FSTL4: variants seen among roughly 807,000 people sequenced by gnomAD.
FSTL4 encodes follistatin-related protein 4.
FSTL4 carries 28 observed loss-of-function variants against 78.2 expected under a neutral mutation model. The observed-to-expected ratio is 0.36, with a 90% CI of 0.27 to 0.49. The LOEUF (loss-of-function observed/expected upper bound fraction) is 0.49. Ranked by LOEUF, FSTL4 falls within the 20% of genes least tolerant of loss-of-function variation. The probability of loss-of-function intolerance (pLI) is 0.98; values close to 1 mark genes in which losing one functional copy is unlikely to be tolerated. For synonymous variants in FSTL4, 422 were observed against 440.5 expected, an observed-to-expected ratio of 0.96 and a Z score of 0.53; for missense variants, 922 against 1,084.9, an observed-to-expected ratio of 0.85 and a Z score of 2.11.
At chr5:133,352,943 T>A (rs528422129) in intron 4 of FSTL4, among the ~76,000 whole-genome samples, 2 of 152,372 alleles carry the variant, frequency 1.3e-5, no homozygotes, top group South Asian at 4.1e-4. Context: ...AAATTATATT[T>A]TAATCAAAGA....
chr5:133,201,942 T>TTGA lies in FSTL4; in HGVS notation c.1814_1816dup (p.Ile605dup). ...CATGGGCCAGTCTCACCTGATGTGG[T>TTGA]TGATGATGAGGTTTGTTGGGGGAAT... On this transcript the variant is annotated inframe_insertion, in exon 15 of 16. Coordinates refer to ENST00000265342, the MANE Select transcript of FSTL4 (RefSeq NM_015082.2). The TTGA allele has an allele frequency of 6.3e-7, 1 of 1,595,120 alleles. No homozygotes were observed. The highest frequency in any genetic ancestry group is 8.6e-7 in the Non-Finnish European group (1 of 1,165,862).
chr5:133,342,952 G>C (rs1754616061), intron 4 of FSTL4, among the ~76,000 whole-genome samples: 1 of 152,060 alleles, frequency 6.6e-6, no homozygotes, highest in South Asian at 2.1e-4. Flanking sequence ...TACCATAAGG[G>C]GAGCTGCTTC....
chr5:133,823,589 T>C, the FSTL4 span, among the ~76,000 whole-genome samples: 1 of 152,172 alleles, frequency 6.6e-6, no homozygotes, highest in Non-Finnish European at 1.5e-5. Flanking sequence ...GGCAGTATGG[T>C]GTCCCGGACA....
intron 3 of FSTL4, among the ~76,000 whole-genome samples, chr5:133,526,221 T>C (rs1236868237): frequency 6.6e-6 from 1 of 152,184 alleles, no homozygotes; most frequent in Non-Finnish European, 1.5e-5. Context: ...ACTGTGGCTA[T>C]TTTTATTCTC....
At chr5:133,828,571 CTAAT>C in the FSTL4 span, among the ~76,000 whole-genome samples, 1 of 152,128 alleles carries the variant, frequency 6.6e-6, no homozygotes, top group Non-Finnish European at 1.5e-5. Context: ...CAGACTGTGC[CTAAT>C]TAAATTCTAG....
In FSTL4 at chr5:133,453,737, G is replaced by A. The variant is rs142307715; in HGVS notation, c.161-52751C>T. On this transcript the variant is annotated intron_variant, in intron 3 of 15. Transcript: ENST00000265342. ...CATGAAGGGCCACCATGTCCAGCAC[G>A]GAGTTGGTGTCCAATAAGGACTCTT... Among the ~76,000 whole-genome samples, 412 of 152,334 alleles carry A rather than the reference G, an allele frequency of 2.7e-3. 4 individuals carry two copies. The highest frequency in any genetic ancestry group is 9.5e-3 in the African/African-American group (397 of 41,578).
At chr5:133,636,274 A>G in the FSTL4 span, among the ~76,000 whole-genome samples, 1 of 152,196 alleles carries the variant, frequency 6.6e-6, no homozygotes, top group Non-Finnish European at 1.5e-5. Context: ...CTCATCTGCC[A>G]CAGTGAAACT....
chr5:133,439,136 C>T (rs1238244995), intron 3 of FSTL4, among the ~76,000 whole-genome samples: 3 of 152,146 alleles, frequency 2.0e-5, no homozygotes, highest in Non-Finnish European at 2.9e-5. Flanking sequence ...GGGATTTTCT[C>T]CCAGCCCTTG....
At chr5:133,222,484 G>A (rs1751172133) in intron 11 of FSTL4, among the ~76,000 whole-genome samples, 1 of 152,168 alleles carries the variant, frequency 6.6e-6, no homozygotes, top group Non-Finnish European at 1.5e-5. Context: ...AGGGGCCAGA[G>A]GGGTCAAAGT....
At chr5:133,531,449 T>G (rs1290694335) in intron 3 of FSTL4, among the ~76,000 whole-genome samples, 3 of 152,056 alleles carry the variant, frequency 2.0e-5, no homozygotes, top group African/African-American at 7.2e-5. Flanking sequence ...CCGTGGAATA[T>G]CCCCTGGAAA....
Position 133,202,128 on chromosome 5 carries a change from C to T in FSTL4, c.1717-86G>A, listed in dbSNP as rs1439867965. 23 of 793,538 alleles carry T rather than the reference C, an allele frequency of 2.9e-5. No individual in the cohort carries two copies. The Admixed American group carries it at 4.8e-4, about 17-fold the overall frequency. The allele number at this position is 793,538 out of a possible 1,614,324, so 49.2% of individuals were successfully genotyped here. A position where few individuals can be genotyped will look rare whatever the true frequency, so the allele number is the denominator to read the frequency against. On this transcript the variant is annotated intron_variant, in intron 14 of 15. Coordinates refer to ENST00000265342, the MANE Select transcript of FSTL4 (RefSeq NM_015082.2). ...CACCTGTACGCTCAGGTGGAGTCAC[C>T]CCGGCAGAGGGGTGCTTGGGAGAGA...
At chr5:133,576,019 TAGA>T (rs755340578) in intron 2 of FSTL4, among the ~76,000 whole-genome samples, 38 of 152,210 alleles carry the variant, frequency 2.5e-4, no homozygotes, top group Non-Finnish European at 4.9e-4. Flanking sequence ...CACTATAATG[TAGA>T]AGAACTTAAA....
intron 11 of FSTL4, among the ~76,000 whole-genome samples, chr5:133,222,219 A>G (rs1486274877): frequency 6.6e-6 from 1 of 152,106 alleles, no homozygotes; most frequent in Non-Finnish European, 1.5e-5. Context: ...AGCCTCTCAG[A>G]AGCTGTGAAC....
rs532766923 is a variant in FSTL4 at position 133,356,762 on chromosome 5, C to T, written c.410-40110G>A. ...AGCATGGCTGCCTCCTGGCCTGCCT[C>T]GCAGGGATCCCTCAGGCCCACGCAG... On this transcript the variant is annotated intron_variant, in intron 4 of 15. Transcript: ENST00000265342. Among the ~76,000 whole-genome samples, 278 of 152,356 alleles carry T rather than the reference C, an allele frequency of 1.8e-3. 1 individual carries two copies. The highest frequency in any genetic ancestry group is 6.2e-3 in the African/African-American group (259 of 41,582).
chr5:133,608,892 A>G (rs1761029715), intron 1 of FSTL4, among the ~76,000 whole-genome samples: 1 of 152,210 alleles, frequency 6.6e-6, no homozygotes, highest in Non-Finnish European at 1.5e-5. Flanking sequence ...GCACACAGGC[A>G]TGTAAGCTGT....
At chr5:133,241,897 A>C (rs1441836159) in intron 7 of FSTL4, among the ~76,000 whole-genome samples, 1 of 152,150 alleles carries the variant, frequency 6.6e-6, no homozygotes, top group African/African-American at 2.4e-5. Flanking sequence ...TCGTTGAGAC[A>C]CTCCAGAGAG....
chr5:133,517,447 A>AAAAAAAAAAAATATATATATATATATAT (rs1554068019), intron 3 of FSTL4, among the ~76,000 whole-genome samples: 3 of 16,392 alleles, frequency 1.8e-4, no homozygotes, highest in Non-Finnish European at 3.0e-4. Flanking sequence ...AAAAAAAAAA[A>AAAAAAAAAAAATATATATATATATATAT]ATATATATAT....
At chr5:133,256,573 C>T (rs932802819) in intron 6 of FSTL4, 8 of 152,234 alleles carry the variant, frequency 5.3e-5, no homozygotes, top group African/African-American at 1.7e-4. Flanking sequence ...TCCTCTGTTC[C>T]GTCTACCAGA....
chr5:133,301,496 G>A (rs1753538732), intron 6 of FSTL4, among the ~76,000 whole-genome samples: 1 of 152,132 alleles, frequency 6.6e-6, no homozygotes, highest in Non-Finnish European at 1.5e-5. Flanking sequence ...AGATGAGTAA[G>A]CCCAGAGACG....
Sources: gnomAD v4.1 joint callset for allele counts (sites outside exome capture counted in the v4.1 genomes callset) on GRCh38, gnomAD v4.1.1 for gene constraint, MANE v1.5 for transcripts, NCBI Gene and HGNC (gene_info 2026-07-23, HGNC 2026-07-21) for gene names.